Variants in GAREM1 observed in about 807,000 individuals in gnomAD.
The protein encoded by GAREM1 is GRB2-associated and regulator of MAPK protein 1.
In GAREM1, 26 loss-of-function variants were observed where a neutral mutation model predicts 71.3. That is an observed-to-expected ratio of 0.36 (90% confidence interval 0.27 to 0.51). GAREM1 has a LOEUF of 0.51. GAREM1 is among the 20% of genes least tolerant of loss of function. The pLI, the probability that GAREM1 is intolerant of heterozygous loss-of-function variation, is 0.95. For missense variants in GAREM1, 1,026 were observed against 1,103.1 expected, an observed-to-expected ratio of 0.93 and a Z score of 0.99; for synonymous variants, 440 against 433.2, an observed-to-expected ratio of 1.02 and a Z score of -0.20.
At chr18:32,353,039 T>A (rs1453095727) in intron 2 of GAREM1, among the ~76,000 whole-genome samples, 1 of 152,242 alleles carries the variant, frequency 6.6e-6, no homozygotes, top group Non-Finnish European at 1.5e-5. Flanking sequence ...CCTGATTACA[T>A]GGTTAGCAGA....
chr18:32,450,022 TG>T (rs1391742621), intron 1 of GAREM1, among the ~76,000 whole-genome samples: 2 of 152,168 alleles, frequency 1.3e-5, no homozygotes, highest in African/African-American at 2.4e-5. Context: ...CACTAGCCAA[TG>T]GGAAAAAGTG....
intron 2 of GAREM1, among the ~76,000 whole-genome samples, chr18:32,386,282 A>G (rs1459601304): frequency 6.6e-6 from 1 of 152,226 alleles, no homozygotes; most frequent in Admixed American, 6.5e-5. Flanking sequence ...TTCAGTAATT[A>G]CAATTCAAGG....
Position 32,439,617 on chromosome 18 carries a change from T to C in GAREM1, c.121+30691A>G, listed in dbSNP as rs545362872. On this transcript the variant is annotated intron_variant, in intron 1 of 5. Coordinates refer to ENST00000269209, the MANE Select transcript of GAREM1 (RefSeq NM_001242409.2). Reference sequence around the variant, plus strand: ...TGAGAAAACACCTGAAATGCTTTGGTTGGAAAGTAACAGAGTGACCAAATG... The same window carrying C: ...TGAGAAAACACCTGAAATGCTTTGGCTGGAAAGTAACAGAGTGACCAAATG... Among the ~76,000 whole-genome samples, 197 of 151,998 alleles carry C rather than the reference T, an allele frequency of 1.3e-3. 1 individual carries two copies. The highest frequency in any genetic ancestry group is 4.5e-3 in the African/African-American group (188 of 41,468).
intron 2 of GAREM1, among the ~76,000 whole-genome samples, chr18:32,329,379 G>GA (rs536065206): frequency 1.1e-3 from 152 of 139,902 alleles, no homozygotes; most frequent in Admixed American, 1.4e-3. Context: ...CTGTCTTGGA[G>GA]AAAAAAAAAA....
intron 1 of GAREM1, among the ~76,000 whole-genome samples, chr18:32,394,057 T>A (rs191430136): frequency 2.3e-4 from 35 of 152,330 alleles, no homozygotes; most frequent in African/African-American, 7.7e-4. Flanking sequence ...AATGATCAAC[T>A]TGGCTATCCC....
chr18:32,315,561 T>A (rs1026798118), intron 2 of GAREM1, among the ~76,000 whole-genome samples: 3 of 149,982 alleles, frequency 2.0e-5, no homozygotes, highest in African/African-American at 7.3e-5. Flanking sequence ...ACTTTTGCAT[T>A]AAGTCTTTCA....
At position 32,298,974 on chromosome 18, in the gene GAREM1, CAAGA is replaced by C. The variant is rs146909053; in HGVS notation, c.394-10775_394-10772del. Among the ~76,000 whole-genome samples, 1,255 of 151,936 alleles carry C rather than the reference CAAGA, an allele frequency of 8.3e-3. 26 individuals are homozygous for C. Among genetic ancestry groups the C allele is most frequent in the East Asian group, 0.059 (304 of 5,158 alleles). On this transcript the variant is annotated intron_variant, in intron 3 of 5. Coordinates refer to ENST00000269209, the MANE Select transcript of GAREM1 (RefSeq NM_001242409.2). ...ATATTTTTTTTAACACAAAATAGGG[CAAGA>C]ATGACAAGTACAATGGCAATGGTTG...
At chr18:32,418,196 T>C (rs113256895) in intron 1 of GAREM1, among the ~76,000 whole-genome samples, 2,195 of 152,246 alleles carry the variant, frequency 0.014, 66 homozygotes, top group African/African-American at 0.051. Context: ...AATAGAATAA[T>C]CACATACATA....
intron 2 of GAREM1, among the ~76,000 whole-genome samples, chr18:32,331,409 CTG>C (rs1700257666): frequency 6.6e-6 from 1 of 152,180 alleles, no homozygotes; most frequent in South Asian, 2.1e-4. Flanking sequence ...GTATATTAAA[CTG>C]TTAAATGTTA....
chr18:32,320,127 G>A (rs906302815), intron 2 of GAREM1, among the ~76,000 whole-genome samples: 2 of 152,218 alleles, frequency 1.3e-5, no homozygotes, highest in Non-Finnish European at 2.9e-5. Context: ...ACAACGATGC[G>A]TTTCCTCATG....
chr18:32,368,280 C>T (rs764886806), intron 2 of GAREM1, among the ~76,000 whole-genome samples: 1 of 151,972 alleles, frequency 6.6e-6, no homozygotes, highest in Non-Finnish European at 1.5e-5. Flanking sequence ...TCCTGCTAGC[C>T]TCTCCCTTGT....
At chr18:32,446,249 T>TGTGTGTGTGTGCGC (rs141510183) in intron 1 of GAREM1, among the ~76,000 whole-genome samples, 65 of 151,972 alleles carry the variant, frequency 4.3e-4, no homozygotes, top group African/African-American at 1.1e-3. Context: ...TGTGTGTGTG[T>TGTGTGTGTGTGCGC]GTGTATAACA....
Position 32,281,855 on chromosome 18 carries a change from G to A in GAREM1, c.1566+5176C>T, listed in dbSNP as rs147791512. ...TATGCCCAGATGGCCTGAAGTAACC[G>A]AAGAATCACAAAAGAAGTGAATATG... On this transcript the variant is annotated intron_variant, in intron 4 of 5. Transcript: ENST00000269209. Among the ~76,000 whole-genome samples the A allele has an allele frequency of 5.7e-3, 866 of 152,080 alleles. 12 individuals are homozygous for A. Among genetic ancestry groups the A allele is most frequent in the African/African-American group, 0.02 (826 of 41,534 alleles).
At position 32,310,272 on chromosome 18, in the gene GAREM1, T is replaced by C; in HGVS notation, c.314A>G (p.Tyr105Cys). The part of the protein sequence containing the change: ...QDRDIKEPVQ[Y>C]FNSVEEVAKA... Reference sequence around the variant, plus strand: ...AGCCACCTCCTCCACACTGTTGAAATATTGCACTGGCTCCTTTATATCTCG... The same window carrying C: ...AGCCACCTCCTCCACACTGTTGAAACATTGCACTGGCTCCTTTATATCTCG... The change falls in exon 3 of 6, where the codon TAT becomes TGT. Residue 105 changes from tyrosine to cysteine, a missense_variant. Physicochemically the swap from Tyr to Cys is radical, Grantham distance 194 (BLOSUM62 -2). Coordinates refer to ENST00000269209, the MANE Select transcript of GAREM1 (RefSeq NM_001242409.2). The C allele has an allele frequency of 6.2e-7, 1 of 1,614,168 alleles. No homozygotes were observed. Among genetic ancestry groups the C allele is most frequent in the South Asian group, 1.1e-5 (1 of 91,082 alleles).
chr18:32,336,630 A>G lies in GAREM1; in HGVS notation c.263-26307T>C, dbSNP rs543948814. Among the ~76,000 whole-genome samples, 3 of 152,328 alleles carry G rather than the reference A, an allele frequency of 2.0e-5. 1 individual carries two copies. The South Asian group carries it at 6.2e-4, about 32-fold the overall frequency. ...TATACAATTATTGAAGTCTGCATAT[A>G]GCGAGGCTGGGCACCAACAAAAGTT... On this transcript the variant is annotated intron_variant, in intron 2 of 5. Transcript: ENST00000269209.
chr18:32,310,556 T>C (rs2047309950), intron 2 of GAREM1, among the ~76,000 whole-genome samples: 1 of 152,028 alleles, frequency 6.6e-6, no homozygotes, highest in Non-Finnish European at 1.5e-5. Context: ...ACATTGAGAG[T>C]TTATTCCCAG....
intron 1 of GAREM1, among the ~76,000 whole-genome samples, chr18:32,403,888 C>A (rs938608083): frequency 6.6e-6 from 1 of 152,196 alleles, no homozygotes; most frequent in African/African-American, 2.4e-5. Flanking sequence ...TAAAGGCCAA[C>A]ACAGTAAAAA....
At chr18:32,354,054 T>TA (rs2047780912) in intron 2 of GAREM1, among the ~76,000 whole-genome samples, 1 of 152,136 alleles carries the variant, frequency 6.6e-6, no homozygotes, top group South Asian at 2.1e-4. Flanking sequence ...ATAACATACA[T>TA]AAATAATTTT....
intron 1 of GAREM1, among the ~76,000 whole-genome samples, chr18:32,457,491 T>C (rs1225373475): frequency 6.6e-6 from 1 of 151,948 alleles, no homozygotes; most frequent in Non-Finnish European, 1.5e-5. Context: ...ATTATTCAAC[T>C]GTACACAATC....
Sources: gnomAD v4.1 joint callset for allele counts (sites outside exome capture counted in the v4.1 genomes callset) on GRCh38, gnomAD v4.1.1 for gene constraint, MANE v1.5 for transcripts, NCBI Gene and HGNC (gene_info 2026-07-23, HGNC 2026-07-21) for gene names.